The following TMEM107 variants were observed in gnomAD, a reference collection of about 807,000 sequenced individuals.
The protein encoded by TMEM107 is transmembrane protein 107.
In TMEM107, 18 loss-of-function variants were observed where a neutral mutation model predicts 16.8. That is an observed-to-expected ratio of 1.07 (90% CI 0.74 to 1.59). The LOEUF is 1.59. TMEM107 is among the 40% of genes most tolerant of loss of function. The pLI is 0.00. For missense variants in TMEM107, 152 were observed against 175.4 expected, an observed-to-expected ratio of 0.87 and a Z score of 0.75; for synonymous variants, 68 against 71.6, an observed-to-expected ratio of 0.95 and a Z score of 0.25.
In TMEM107 at chr17:8,173,552, G is replaced by C. The variant is rs78363053; in HGVS notation, c.*651C>G. On this transcript the variant is annotated 3_prime_UTR_variant, in exon 5 of 5. Transcript: ENST00000437139. ...ATCATCATGTTCTAATCTGCCCTCCGGAGGAGGAACAGGTAAGGATTATCC... is the reference window on the plus strand; with the variant it reads ...ATCATCATGTTCTAATCTGCCCTCCCGAGGAGGAACAGGTAAGGATTATCC... 4.4e-4 allele frequency: 333 copies of C among 765,200 alleles called. 1 individual carries two copies. The highest frequency in any genetic ancestry group is 5.9e-4 in the South Asian group (44 of 74,608). The allele number at this position is 765,200 out of a possible 1,614,324, so 47.4% of individuals were successfully genotyped here.
Position 8,173,484 on chromosome 17 carries a change from T to TGATTACGCAGGGTGTTGCAAGA in TMEM107, c.*718_*719insTCTTGCAACACCCTGCGTAATC. On this transcript the variant is annotated 3_prime_UTR_variant, in exon 5 of 5. Coordinates refer to ENST00000437139, the MANE Select transcript of TMEM107 (RefSeq NM_183065.4). ...ACAGGAGCAATCAGGGTGTTGCAAG[T>TGATTACGCAGGGTGTTGCAAGA]CCTGATTACGCAGAGACGTTAATCA... is the stretch of plus-strand genomic sequence containing the variant. 1 of 764,132 alleles carries TGATTACGCAGGGTGTTGCAAGA rather than the reference T, an allele frequency of 1.3e-6. No individual in the cohort carries two copies. The highest frequency in any genetic ancestry group is 1.7e-5 in the African/African-American group (1 of 59,056). The allele number at this position is 764,132 out of a possible 1,614,324, so 47.3% of individuals were successfully genotyped here.
Position 8,174,616 on chromosome 17 carries a change from GC to G in TMEM107, c.257-1del. The G allele has an allele frequency of 2.5e-6, 4 of 1,613,934 alleles. No individual in the cohort carries two copies. Among genetic ancestry groups the G allele is most frequent in the Non-Finnish European group, 3.4e-6 (4 of 1,179,880 alleles). Reference sequence around the variant, plus strand: ...GGATGCACTACAGTGAGCCCCAATGGCTTGGGAAGGCACGAGATTAAGGAAA... The same window carrying G: ...GGATGCACTACAGTGAGCCCCAATGGTTGGGAAGGCACGAGATTAAGGAAA... On this transcript the variant is annotated splice_acceptor_variant, in intron 3 of 4. Transcript: ENST00000437139. LOFTEE classifies it high-confidence loss of function.
rs1983731311 is a variant in TMEM107 at position 8,173,340 on chromosome 17, TAGCAAGACTGCAAAATAGACAAAC to T, written c.*839_*862del. 3 of 595,634 alleles carry T rather than the reference TAGCAAGACTGCAAAATAGACAAAC, an allele frequency of 5.0e-6. No individual in the cohort carries two copies. Among genetic ancestry groups the T allele is most frequent in the South Asian group, 4.4e-5 (2 of 45,828 alleles). 36.9% of individuals were successfully genotyped at this position (595,634 alleles called of 1,614,324 possible). On this transcript the variant is annotated 3_prime_UTR_variant, in exon 5 of 5. Coordinates refer to ENST00000437139, the MANE Select transcript of TMEM107 (RefSeq NM_183065.4). ...AGACTGCAAAATAGACAAACAGCAATAGCAAGACTGCAAAATAGACAAACAGCAAGGTTATCCCAGTCAGAACTT... is the reference window on the plus strand; with the variant it reads ...AGACTGCAAAATAGACAAACAGCAATAGCAAGGTTATCCCAGTCAGAACTT...
At chr17:8,175,484 A>G (rs1984051130) in intron 3 of TMEM107, 4 of 605,712 alleles carry the variant, frequency 6.6e-6, no homozygotes, top group Non-Finnish European at 1.2e-5. Flanking sequence ...TATTCCTATT[A>G]TTTTTGTAGA....
Position 8,173,368 on chromosome 17 carries a change from A to G in TMEM107, c.*835T>C, listed in dbSNP as rs952197334. 21 of 640,096 alleles carry G rather than the reference A, an allele frequency of 3.3e-5. No homozygotes were observed. The highest frequency in any genetic ancestry group is 5.7e-5 in the Non-Finnish European group (20 of 348,680). The allele number at this position is 640,096 out of a possible 1,614,324, so 39.7% of individuals were successfully genotyped here. ...CAAGACTGCAAAATAGACAAACAGC[A>G]AGGTTATCCCAGTCAGAACTTCATA... On this transcript the variant is annotated 3_prime_UTR_variant, in exon 5 of 5. Coordinates refer to ENST00000437139, the MANE Select transcript of TMEM107 (RefSeq NM_183065.4).
In TMEM107 at chr17:8,176,309, G is replaced by A. The variant is rs762903787; in HGVS notation, c.-23C>T. ...CATGGCCCTCGGGGACAAGGGCGGC[G>A]GTCTCTGAGGCTGGAAGTTCAGAGA... On this transcript the variant is annotated 5_prime_UTR_variant, in exon 1 of 5. Coordinates refer to ENST00000437139, the MANE Select transcript of TMEM107 (RefSeq NM_183065.4). 5.6e-6 allele frequency: 9 copies of A among 1,602,868 alleles called. No homozygotes were observed. The South Asian group carries it at 7.7e-5, about 14-fold the overall frequency.
rs1209420363 is a variant in TMEM107, at chr17:8,173,654, TA to T, written c.*548del. 68 of 725,316 alleles carry T rather than the reference TA, an allele frequency of 9.4e-5. No individual in the cohort carries two copies. In the African/African-American group the frequency reaches 1.1e-3, roughly 12 times the overall value. 44.9% of individuals were successfully genotyped at this position (725,316 alleles called of 1,614,324 possible). Reference sequence around the variant, plus strand: ...TCCGTTACAAGCTAGGGTGAGTTCATAACGCGCTGGTATGAGCAATCCTATT... The same window carrying T: ...TCCGTTACAAGCTAGGGTGAGTTCATACGCGCTGGTATGAGCAATCCTATT... On this transcript the variant is annotated 3_prime_UTR_variant, in exon 5 of 5. Coordinates refer to ENST00000437139, the MANE Select transcript of TMEM107 (RefSeq NM_183065.4).
In TMEM107 at chr17:8,173,600, G is replaced by T; in HGVS notation, c.*603C>A. ...TCCCACCTGACGATACAGACAAACA[G>T]CCGACATTCTGCACTCAGTGAAAAA... On this transcript the variant is annotated 3_prime_UTR_variant, in exon 5 of 5. Coordinates refer to ENST00000437139, the MANE Select transcript of TMEM107 (RefSeq NM_183065.4). 1 of 760,042 alleles carries T rather than the reference G, an allele frequency of 1.3e-6. No individual in the cohort carries two copies. The highest frequency in any genetic ancestry group is 2.4e-6 in the Non-Finnish European group (1 of 414,354). 47.1% of individuals were successfully genotyped at this position (760,042 alleles called of 1,614,324 possible).
In TMEM107 at chr17:8,173,783, T is replaced by C. The variant is rs749696413; in HGVS notation, c.*420A>G. ...AGGAATAAATTACTTCTTCCCAGAA[T>C]GCTCCGATCAGTTACGTGCCGGACG... On this transcript the variant is annotated 3_prime_UTR_variant, in exon 5 of 5. Transcript: ENST00000437139. 2.3e-4 allele frequency: 127 copies of C among 546,100 alleles called. No individual in the cohort carries two copies. The highest frequency in any genetic ancestry group is 3.7e-4 in the Non-Finnish European group (113 of 307,026). 33.8% of individuals were successfully genotyped at this position (546,100 alleles called of 1,614,324 possible).
At position 8,174,107 on chromosome 17, in the gene TMEM107, A is replaced by C. The variant is rs1175199245; in HGVS notation, c.*96T>G. The C allele has an allele frequency of 2.8e-6, 3 of 1,056,570 alleles. No homozygotes were observed. In the African/African-American group the frequency reaches 4.7e-5, roughly 17 times the overall value. 65.4% of individuals were successfully genotyped at this position (1,056,570 alleles called of 1,614,324 possible). Reference sequence around the variant, plus strand: ...TATCCTCCAGCAGAAGCAGTTTCCGAGGGGAAAACCGAAGCCTATGCCTTC... The same window carrying C: ...TATCCTCCAGCAGAAGCAGTTTCCGCGGGGAAAACCGAAGCCTATGCCTTC... On this transcript the variant is annotated 3_prime_UTR_variant, in exon 5 of 5. Coordinates refer to ENST00000437139, the MANE Select transcript of TMEM107 (RefSeq NM_183065.4).
Position 8,174,448 on chromosome 17 carries a change from G to C in TMEM107, c.353+72C>G, listed in dbSNP as rs1315786295. 15 of 1,479,150 alleles carry C rather than the reference G, an allele frequency of 1.0e-5. No homozygotes were observed. In the Admixed American group the frequency reaches 1.7e-4, roughly 17 times the overall value. The allele number at this position is 1,479,150 out of a possible 1,614,324, so 91.6% of individuals were successfully genotyped here. A position where few individuals can be genotyped will look rare whatever the true frequency, so the allele number is the denominator to read the frequency against. On this transcript the variant is annotated intron_variant, in intron 4 of 4. Coordinates refer to ENST00000437139, the MANE Select transcript of TMEM107 (RefSeq NM_183065.4). Reference sequence around the variant, plus strand: ...TATCTCACACATGGAGGAAAGGGCTGGGTAGGGGAAAAACCTTCAGGTTTA... The same window carrying C: ...TATCTCACACATGGAGGAAAGGGCTCGGTAGGGGAAAAACCTTCAGGTTTA...
In TMEM107 at chr17:8,174,590, C is replaced by T; in HGVS notation, c.283G>A (p.Val95Met). The T allele has an allele frequency of 1.2e-6, 2 of 1,614,104 alleles. No individual in the cohort carries two copies. The highest frequency in any genetic ancestry group is 1.7e-6 in the Non-Finnish European group (2 of 1,180,012). Residue 95 changes from valine (V) to methionine (M), a missense_variant, in exon 4 of 5, where the codon GTG becomes ATG. Coordinates refer to ENST00000437139, the MANE Select transcript of TMEM107 (RefSeq NM_183065.4). Reference sequence around the variant, plus strand: ...TCGAATATGAAGAAGGACAGGGCCACGGATGCACTACAGTGAGCCCCAATG... The same window carrying T: ...TCGAATATGAAGAAGGACAGGGCCATGGATGCACTACAGTGAGCCCCAATG... ...ISIGAHCSAS[V>M]ALSFFIFERW...
In TMEM107 at chr17:8,175,995, G is replaced by T. The variant is rs762443312; in HGVS notation, c.119C>A (p.Thr40Lys). ...DSNIQACLPL[T>K]FTPEEYDKQD... ...CTTGTCATACTCCTCGGGGGTGAAC[G>T]TGAGAGGCAGGCAGGCCTGTATGTT... Residue 40 changes from threonine (T) to lysine (K), a missense_variant, in exon 2 of 5, where the codon ACG becomes AAG. Physicochemically the swap from Thr to Lys is moderately conservative, Grantham distance 78 (BLOSUM62 -1). Coordinates refer to ENST00000437139, the MANE Select transcript of TMEM107 (RefSeq NM_183065.4). 2 of 1,614,254 alleles carry T rather than the reference G, an allele frequency of 1.2e-6. No individual in the cohort carries two copies. Among genetic ancestry groups the T allele is most frequent in the Non-Finnish European group, 1.7e-6 (2 of 1,180,050 alleles).
Position 8,173,455 on chromosome 17 carries a change from T to A in TMEM107, c.*748A>T. 1 of 763,220 alleles carries A rather than the reference T, an allele frequency of 1.3e-6. No individual in the cohort carries two copies. Among genetic ancestry groups the A allele is most frequent in the South Asian group, 1.3e-5 (1 of 74,406 alleles). The allele number at this position is 763,220 out of a possible 1,614,324, so 47.3% of individuals were successfully genotyped here. On this transcript the variant is annotated 3_prime_UTR_variant, in exon 5 of 5. Coordinates refer to ENST00000437139, the MANE Select transcript of TMEM107 (RefSeq NM_183065.4). ...AAATGTAAGTGATCGTCAGAAAGAA[T>A]CAGACAGGAGCAATCAGGGTGTTGC...
Position 8,176,368 on chromosome 17 carries a change from A to G in TMEM107, c.-82T>C, listed in dbSNP as rs1174122847. The G allele has an allele frequency of 2.4e-5, 28 of 1,152,006 alleles. No individual in the cohort carries two copies. The highest frequency in any genetic ancestry group is 2.9e-5 in the Non-Finnish European group (23 of 806,898). The allele number at this position is 1,152,006 out of a possible 1,614,324, so 71.4% of individuals were successfully genotyped here. Reference sequence around the variant, plus strand: ...CCTGAAGTCTCCCCGCAAGCCGACAAATCTAGACGAACGCCTCCTTCCCGC... The same window carrying G: ...CCTGAAGTCTCCCCGCAAGCCGACAGATCTAGACGAACGCCTCCTTCCCGC... On this transcript the variant is annotated 5_prime_UTR_variant, in exon 1 of 5. Coordinates refer to ENST00000437139, the MANE Select transcript of TMEM107 (RefSeq NM_183065.4).
chr17:8,176,026 C>G lies in TMEM107; in HGVS notation c.88G>C (p.Asp30His). Reference sequence around the variant, plus strand: ...GGCAGGCAGGCCTGTATGTTGCTGTCCTGGGAGCAGGGCACAGGAAGAGAA... The same window carrying G: ...GGCAGGCAGGCCTGTATGTTGCTGTGCTGGGAGCAGGGCACAGGAAGAGAA... ...VVVITLFWSR[D>H]SNIQACLPLT... is the part of the protein sequence containing the mutation. The change falls in exon 2 of 5, where the codon GAC (aspartate) becomes CAC (histidine). Residue 30 changes from aspartate to histidine, a missense_variant and splice_region_variant. Coordinates refer to ENST00000437139, the MANE Select transcript of TMEM107 (RefSeq NM_183065.4). 6.2e-7 allele frequency: 1 copy of G among 1,614,166 alleles called. No homozygotes were observed. Among genetic ancestry groups the G allele is most frequent in the Non-Finnish European group, 8.5e-7 (1 of 1,180,034 alleles).
Position 8,173,551 on chromosome 17 carries a change from C to T in TMEM107, c.*652G>A, listed in dbSNP as rs539261856. 52 of 765,024 alleles carry T rather than the reference C, an allele frequency of 6.8e-5. No homozygotes were observed. Among genetic ancestry groups the T allele is most frequent in the Admixed American group, 1.7e-4 (10 of 58,994 alleles). 47.4% of individuals were successfully genotyped at this position (765,024 alleles called of 1,614,324 possible). Reference sequence around the variant, plus strand: ...AATCATCATGTTCTAATCTGCCCTCCGGAGGAGGAACAGGTAAGGATTATC... The same window carrying T: ...AATCATCATGTTCTAATCTGCCCTCTGGAGGAGGAACAGGTAAGGATTATC... On this transcript the variant is annotated 3_prime_UTR_variant, in exon 5 of 5. Transcript: ENST00000437139.
rs779543000 is a variant in TMEM107 at position 8,173,628 on chromosome 17, T to C, written c.*575A>G. 8 of 747,598 alleles carry C rather than the reference T, an allele frequency of 1.1e-5. No individual in the cohort carries two copies. The South Asian group carries it at 1.1e-4, about 10-fold the overall frequency. 46.3% of individuals were successfully genotyped at this position (747,598 alleles called of 1,614,324 possible). A position where few individuals can be genotyped will look rare whatever the true frequency, so the allele number is the denominator to read the frequency against. On this transcript the variant is annotated 3_prime_UTR_variant, in exon 5 of 5. Coordinates refer to ENST00000437139, the MANE Select transcript of TMEM107 (RefSeq NM_183065.4). ...GACATTCTGCACTCAGTGAAAAAGATTCCGTTACAAGCTAGGGTGAGTTCA... is the reference window on the plus strand; with the variant it reads ...GACATTCTGCACTCAGTGAAAAAGACTCCGTTACAAGCTAGGGTGAGTTCA...
At position 8,176,361 on chromosome 17, in the gene TMEM107, G is replaced by T; in HGVS notation, c.-75C>A. 7.9e-7 allele frequency: 1 copy of T among 1,271,094 alleles called. No individual in the cohort carries two copies. Among genetic ancestry groups the T allele is most frequent in the Non-Finnish European group, 1.1e-6 (1 of 905,792 alleles). 78.7% of individuals were successfully genotyped at this position (1,271,094 alleles called of 1,614,324 possible). A position where few individuals can be genotyped will look rare whatever the true frequency, so the allele number is the denominator to read the frequency against. On this transcript the variant is annotated 5_prime_UTR_variant, in exon 1 of 5. Transcript: ENST00000437139. ...AGCGACTCCTGAAGTCTCCCCGCAA[G>T]CCGACAAATCTAGACGAACGCCTCC...
Sources: allele counts gnomAD v4.1 joint callset, GRCh38; gene constraint gnomAD v4.1.1; transcripts MANE v1.5; gene names NCBI Gene and HGNC (gene_info 2026-07-23, HGNC 2026-07-21).